The following UGT1A5 variants were observed in gnomAD, a reference collection of about 807,000 sequenced individuals.
The protein encoded by UGT1A5 is UDP glucuronosyltransferase family 1 member A5, also known as UDP-glucuronosyltransferase 1A5.
A neutral mutation model predicts 40.3 loss-of-function variants in UGT1A5; 29 were observed. The ratio of observed to expected loss-of-function variants is 0.72; its 90% CI spans 0.54 to 0.98. UGT1A5 has a LOEUF of 0.98. UGT1A5 is among the 50% of genes least tolerant of loss of function. UGT1A5 has a pLI of 0.00. For synonymous variants in UGT1A5, 257 were observed against 262.5 expected, an observed-to-expected ratio of 0.98 and a Z score of 0.20; for missense variants, 678 against 677.9, an observed-to-expected ratio of 1.00 and a Z score of 0.00.
At chr2:233,737,324 G>A (rs1000160542) in intron 1 of UGT1A5, among the ~76,000 whole-genome samples, 2 of 152,246 alleles carry the variant, frequency 1.3e-5, no homozygotes, top group Non-Finnish European at 2.9e-5. Context: ...TGCTGCACTA[G>A]CAGTGAGCAA....
chr2:233,722,838 A>C (rs192371212), intron 1 of UGT1A5, among the ~76,000 whole-genome samples: 12 of 132,374 alleles, frequency 9.1e-5, no homozygotes, highest in African/African-American at 2.9e-4. Flanking sequence ...TTATAATAAG[A>C]ATGTTTCTTT....
chr2:233,733,661 T>A (rs1200789776), intron 1 of UGT1A5, among the ~76,000 whole-genome samples: 1 of 152,240 alleles, frequency 6.6e-6, no homozygotes, highest in Non-Finnish European at 1.5e-5. Context: ...GAAGCCGACT[T>A]GATCGATGTG....
rs144684818 is a variant in UGT1A5, at chr2:233,763,987, G to A, written c.868-3047G>A. On this transcript the variant is annotated intron_variant, in intron 1 of 4. Transcript: ENST00000373414. ...GATATATGTGGGTTACTGGGAATGC[G>A]TGATGGTGAAGTCACAGATGACCCA... 4.9e-3 allele frequency among the ~76,000 whole-genome samples: 743 copies of A among 152,304 alleles called. 10 individuals are homozygous for A. The highest frequency in any genetic ancestry group is 0.017 in the African/African-American group (695 of 41,566).
intron 1 of UGT1A5, among the ~76,000 whole-genome samples, chr2:233,761,350 G>A (rs572501988): frequency 2.6e-5 from 4 of 152,266 alleles, no homozygotes; most frequent in South Asian, 2.1e-4. Context: ...CTGAGATTTC[G>A]GGAAAGCATT....
chr2:233,742,787 T>A (rs955891060), intron 1 of UGT1A5: 16 of 153,018 alleles, frequency 1.0e-4, no homozygotes, highest in African/African-American at 3.9e-4. Flanking sequence ...TGAACCATCA[T>A]TAAATTAAGC....
At chr2:233,724,165 C>CT (rs1189702988) in intron 1 of UGT1A5, among the ~76,000 whole-genome samples, 2 of 112,674 alleles carry the variant, frequency 1.8e-5, no homozygotes, top group African/African-American at 8.4e-5. Context: ...GGGGGGCTGA[C>CT]CCCCCCATCT....
chr2:233,770,570 A>G (rs1700111359), intron 4 of UGT1A5: 2 of 152,086 alleles, frequency 1.3e-5, no homozygotes. Context: ...AGGCAGGAAA[A>G]TCACTTGAAC....
At chr2:233,737,647 C>T (rs1413488043) in intron 1 of UGT1A5, among the ~76,000 whole-genome samples, 1 of 152,204 alleles carries the variant, frequency 6.6e-6, no homozygotes, top group African/African-American at 2.4e-5. Flanking sequence ...GTCGATCATG[C>T]TGGGAGCTGC....
chr2:233,739,834 G>T (rs1286639353), intron 1 of UGT1A5, among the ~76,000 whole-genome samples: 1 of 152,016 alleles, frequency 6.6e-6, no homozygotes, highest in Non-Finnish European at 1.5e-5. Context: ...GAAAAGACAT[G>T]AGATTTGGGA....
chr2:233,754,901 C>T (rs996500791), intron 1 of UGT1A5: 1 of 1,352,340 alleles, frequency 7.4e-7, no homozygotes, highest in Non-Finnish European at 9.9e-7. Flanking sequence ...TCTGACCCCC[C>T]AAAATATTCT....
Position 233,719,305 on chromosome 2 carries a change from C to T in UGT1A5, c.867+5447C>T, listed in dbSNP as rs149960993. 1.9e-6 allele frequency: 3 copies of T among 1,613,868 alleles called. No individual in the cohort carries two copies. The African/African-American group carries it at 4.0e-5, about 22-fold the overall frequency. ...GTTAACCTCTGTGGGGCGGTGCTGG[C>T]TAAGTACCTGTCGATTCCTGCTGTG... On this transcript the variant is annotated intron_variant, in intron 1 of 4. Coordinates refer to ENST00000373414, the MANE Select transcript of UGT1A5 (RefSeq NM_019078.2).
At chr2:233,747,651 G>C in intron 1 of UGT1A5, 1 of 1,588,730 alleles carries the variant, frequency 6.3e-7, no homozygotes, top group Non-Finnish European at 8.6e-7. Flanking sequence ...TACTTCCTTC[G>C]ATGTGGTTTT....
rs574685315 is a variant in UGT1A5 at position 233,731,448 on chromosome 2, A to C, written c.867+17590A>C. Among the ~76,000 whole-genome samples, 490 of 151,900 alleles carry C rather than the reference A, an allele frequency of 3.2e-3. 2 individuals carry two copies. The highest frequency in any genetic ancestry group is 0.01 in the African/African-American group (431 of 41,418). Reference sequence around the variant, plus strand: ...CATCCCTCCCCCAGTCCCCCACCCCACAACAGGCCCTGGCGTGTGATGTTC... The same window carrying C: ...CATCCCTCCCCCAGTCCCCCACCCCCCAACAGGCCCTGGCGTGTGATGTTC... On this transcript the variant is annotated intron_variant, in intron 1 of 4. Coordinates refer to ENST00000373414, the MANE Select transcript of UGT1A5 (RefSeq NM_019078.2).
intron 1 of UGT1A5, among the ~76,000 whole-genome samples, chr2:233,732,436 G>A (rs987831872): frequency 2.6e-5 from 4 of 152,194 alleles, no homozygotes; most frequent in Non-Finnish European, 4.4e-5. Flanking sequence ...GATTTTTATG[G>A]TTTTAGGTCT....
At chr2:233,737,246 C>G (rs535872842) in intron 1 of UGT1A5, among the ~76,000 whole-genome samples, 2 of 152,238 alleles carry the variant, frequency 1.3e-5, no homozygotes, top group Non-Finnish European at 2.9e-5. Flanking sequence ...TGTTTACCTA[C>G]TCAAGCCTCA....
chr2:233,745,363 G>T (rs1011191922), intron 1 of UGT1A5, among the ~76,000 whole-genome samples: 1 of 151,804 alleles, frequency 6.6e-6, no homozygotes, highest in African/African-American at 2.4e-5. Flanking sequence ...ATTTTTTTGA[G>T]ATCTGAGTTC....
chr2:233,757,549 T>TATATATATATATATATATACATATAC (rs1696618435), intron 1 of UGT1A5, among the ~76,000 whole-genome samples: 1 of 133,968 alleles, frequency 7.5e-6, no homozygotes, highest in Non-Finnish European at 1.6e-5. Context: ...TATATATATA[T>TATATATATATATATATATACATATAC]ATATATATAT....
At chr2:233,741,132 C>G (rs1370599110) in intron 1 of UGT1A5, among the ~76,000 whole-genome samples, 1 of 151,794 alleles carries the variant, frequency 6.6e-6, no homozygotes, top group Admixed American at 6.6e-5. Flanking sequence ...AAAAGCAACA[C>G]TTTCCATTTA....
At position 233,767,839 on chromosome 2, in the gene UGT1A5, C is replaced by A; in HGVS notation, c.1000-10C>A. The A allele has an allele frequency of 6.2e-7, 1 of 1,614,144 alleles. No individual in the cohort carries two copies. Among genetic ancestry groups the A allele is most frequent in the Non-Finnish European group, 8.5e-7 (1 of 1,180,028 alleles). ...CTTTCTTTACGTTCTGCTCTTTTTG[C>A]CCCTCCCAGGTCCTGTGGCGGTACA... On this transcript the variant is annotated splice_polypyrimidine_tract_variant and intron_variant, in intron 2 of 4. Coordinates refer to ENST00000373414, the MANE Select transcript of UGT1A5 (RefSeq NM_019078.2).
Sources: gnomAD v4.1 joint callset for allele counts (sites outside exome capture counted in the v4.1 genomes callset) on GRCh38, gnomAD v4.1.1 for gene constraint, MANE v1.5 for transcripts, NCBI Gene and HGNC (gene_info 2026-07-23, HGNC 2026-07-21) for gene names.